The following RIT2 variants were observed in gnomAD, a reference collection of about 807,000 sequenced individuals.
RIT2 encodes GTP-binding protein Rit2.
RIT2 carries 24 observed loss-of-function variants against 23.7 expected under a neutral mutation model. The observed-to-expected ratio is 1.01, with a 90% CI of 0.73 to 1.43. The LOEUF (loss-of-function observed/expected upper bound fraction) is 1.43. Ranked by LOEUF, RIT2 falls within the 40% of genes most tolerant of loss-of-function variation. The pLI is 0.00. For synonymous variants in RIT2, 107 were observed against 91.1 expected (o/e 1.17, Z -0.99); for missense variants, 236 against 266.9 (o/e 0.88, Z 0.81).
intron 4 of RIT2, among the ~76,000 whole-genome samples, chr18:42,911,567 A>T (rs914656990): frequency 6.6e-6 from 1 of 152,064 alleles, no homozygotes; most frequent in African/African-American, 2.4e-5. Flanking sequence ...TACCATATAT[A>T]CATATCTTAC....
At chr18:42,909,682 A>C in intron 4 of RIT2, among the ~76,000 whole-genome samples, 1 of 152,106 alleles carries the variant, frequency 6.6e-6, no homozygotes, top group East Asian at 1.9e-4. Context: ...AAAACCCTTC[A>C]GTTTTCAAGT....
intron 3 of RIT2, among the ~76,000 whole-genome samples, chr18:42,940,406 C>T (rs1027311134): frequency 1.3e-5 from 2 of 149,788 alleles, no homozygotes; most frequent in African/African-American, 4.9e-5. Flanking sequence ...TGTATATATA[C>T]ACACACATAT....
intron 2 of RIT2, among the ~76,000 whole-genome samples, chr18:43,000,796 G>A (rs1373875565): frequency 6.6e-6 from 1 of 151,970 alleles, no homozygotes; most frequent in Non-Finnish European, 1.5e-5. Context: ...CCCCAGCCAT[G>A]TGGAACTGTG....
chr18:42,820,605 T>C (rs1284798793), intron 4 of RIT2, among the ~76,000 whole-genome samples: 3 of 152,122 alleles, frequency 2.0e-5, no homozygotes, highest in Non-Finnish European at 4.4e-5. Context: ...TTGGTTTGCC[T>C]TCGCCCTTGT....
At chr18:42,995,899 C>A (rs1910971880) in intron 2 of RIT2, among the ~76,000 whole-genome samples, 1 of 152,220 alleles carries the variant, frequency 6.6e-6, no homozygotes. Context: ...ACATGCTCTG[C>A]TCTTGTTTAC....
At position 42,911,607 on chromosome 18, in the gene RIT2, C is replaced by T. The variant is rs561685484; in HGVS notation, c.426+11965G>A. 1.8e-4 allele frequency among the ~76,000 whole-genome samples: 28 copies of T among 151,886 alleles called. 1 individual carries two copies. The South Asian group carries it at 5.6e-3, about 30-fold the overall frequency. ...TTATGTTATGTGCCTTACATATATG[C>T]AAAATTTTTATTGAAACAAATTTTA... On this transcript the variant is annotated intron_variant, in intron 4 of 4. Transcript: ENST00000326695.
chr18:42,940,759 T>A (rs1033464230), intron 3 of RIT2, among the ~76,000 whole-genome samples: 3 of 152,174 alleles, frequency 2.0e-5, no homozygotes, highest in Admixed American at 6.5e-5. Flanking sequence ...ACATTCAGTA[T>A]TTTGATCAAT....
At chr18:42,871,853 A>G (rs958821740) in intron 4 of RIT2, among the ~76,000 whole-genome samples, 3 of 152,254 alleles carry the variant, frequency 2.0e-5, no homozygotes, top group Non-Finnish European at 4.4e-5. Context: ...TAGCTTCTCT[A>G]AGTAACAAGA....
At chr18:42,930,360 T>C (rs1327829872) in intron 3 of RIT2, among the ~76,000 whole-genome samples, 6 of 150,952 alleles carry the variant, frequency 4.0e-5, no homozygotes, top group Non-Finnish European at 8.8e-5. Flanking sequence ...AATCCTTGAA[T>C]GAGAGGTCAC....
At chr18:42,769,161 T>C (rs1447167182) in intron 4 of RIT2, among the ~76,000 whole-genome samples, 1 of 152,096 alleles carries the variant, frequency 6.6e-6, no homozygotes, top group Non-Finnish European at 1.5e-5. Flanking sequence ...AATAGAAAGG[T>C]AATAAGAAGA....
chr18:43,060,110 T>G (rs1912609624), intron 1 of RIT2, among the ~76,000 whole-genome samples: 3 of 152,096 alleles, frequency 2.0e-5, no homozygotes. Context: ...TGAGAGGTAT[T>G]TTATAGAGAG....
Position 42,800,856 on chromosome 18 carries a change from C to G in RIT2, c.427-57136G>C, listed in dbSNP as rs145267006. ...AGCATTCTTTCTTCTCCTCCAAACT[C>G]TCTTATGTTTTCCCGTTAGTTTCCT... On this transcript the variant is annotated intron_variant, in intron 4 of 4. Coordinates refer to ENST00000326695, the MANE Select transcript of RIT2 (RefSeq NM_002930.4). Among the ~76,000 whole-genome samples the G allele has an allele frequency of 6.6e-5, 10 of 152,182 alleles. No individual in the cohort carries two copies. The East Asian group carries it at 1.9e-3, about 29-fold the overall frequency.
In RIT2 at chr18:43,102,445, C is replaced by CTTTT. The variant is rs200839354; in HGVS notation, c.103+12968_103+12971dup. ...TCCTCACTCCAACCCTCAGGAAACC[C>CTTTT]TTTTTTTTTTTTTTTTTTTTTTTCC... is the stretch of plus-strand genomic sequence containing the variant. On this transcript the variant is annotated intron_variant, in intron 1 of 4. Transcript: ENST00000326695. 7.7e-3 allele frequency among the ~76,000 whole-genome samples: 850 copies of CTTTT among 109,912 alleles called. 11 individuals are homozygous for CTTTT. Among genetic ancestry groups the CTTTT allele is most frequent in the South Asian group, 0.018 (56 of 3,162 alleles). 72.1% of individuals were successfully genotyped at this position (109,912 alleles called of 152,430 possible).
chr18:42,919,326 T>G (rs1005464284), intron 4 of RIT2, among the ~76,000 whole-genome samples: 2 of 152,106 alleles, frequency 1.3e-5, no homozygotes, highest in Non-Finnish European at 2.9e-5. Flanking sequence ...ACACAGACTG[T>G]GGGAAGCAGA....
intron 4 of RIT2, among the ~76,000 whole-genome samples, chr18:42,867,168 G>T (rs1256417629): frequency 1.2e-4 from 18 of 152,052 alleles, no homozygotes; most frequent in Non-Finnish European, 2.2e-4. Flanking sequence ...CTACTAACAT[G>T]AGAACATTAA....
At chr18:42,774,168 T>G (rs1163733732) in intron 4 of RIT2, among the ~76,000 whole-genome samples, 1 of 152,142 alleles carries the variant, frequency 6.6e-6, no homozygotes, top group Non-Finnish European at 1.5e-5. Flanking sequence ...TACAAAATGT[T>G]TTTTTTTCTC....
intron 4 of RIT2, among the ~76,000 whole-genome samples, chr18:42,836,551 T>C (rs1293504366): frequency 6.6e-6 from 1 of 152,162 alleles, no homozygotes; most frequent in East Asian, 1.9e-4. Flanking sequence ...TATCTCAAAA[T>C]GACAGAGGAG....
At chr18:43,013,199 ATTC>A (rs1911391059) in intron 2 of RIT2, among the ~76,000 whole-genome samples, 2 of 151,898 alleles carry the variant, frequency 1.3e-5, no homozygotes, top group Admixed American at 1.3e-4. Context: ...CTTTGAAAAG[ATTC>A]TTATTTGAAC....
At chr18:42,750,423 C>G (rs536408719) in intron 4 of RIT2, among the ~76,000 whole-genome samples, 24 of 151,716 alleles carry the variant, frequency 1.6e-4, no homozygotes, top group Non-Finnish European at 3.4e-4. Context: ...TATAATTTGT[C>G]TGCTTTATAT....
Sources: allele counts gnomAD v4.1 joint callset (sites outside exome capture counted in the v4.1 genomes callset), GRCh38; gene constraint gnomAD v4.1.1; transcripts MANE v1.5; gene names NCBI Gene and HGNC (gene_info 2026-07-23, HGNC 2026-07-21).